The following ZNF334 variants were observed in gnomAD, a reference collection of about 807,000 sequenced individuals.
ZNF334 encodes the protein zinc finger protein 334.
Under a neutral mutation model 12.4 loss-of-function variants are expected in ZNF334, and 14 were observed. The observed-to-expected ratio is 1.13, with a 90% CI of 0.74 to 1.76. The LOEUF (loss-of-function observed/expected upper bound fraction) is 1.76. Among genes scored for constraint, ZNF334 ranks in the 40% most tolerant of loss-of-function variants. The pLI is 0.00. For missense variants in ZNF334, 797 were observed against 804.5 expected (o/e 0.99, Z 0.11); for synonymous variants, 273 against 269.6 (o/e 1.01, Z -0.12).
intron 2 of ZNF334, among the ~76,000 whole-genome samples, chr20:46,507,540 C>T (rs1322928131): frequency 6.6e-6 from 1 of 152,162 alleles, no homozygotes; most frequent in Non-Finnish European, 1.5e-5. Context: ...TCAGGGGAAG[C>T]GAGGTGAAGG....
chr20:46,493,081 C>G, the ZNF334 span, among the ~76,000 whole-genome samples: 7 of 106,408 alleles, frequency 6.6e-5, no homozygotes, highest in Admixed American at 1.1e-4. Flanking sequence ...GGGTGAGACT[C>G]TGTCTTTAGA....
In ZNF334 at chr20:46,504,235, A is replaced by G. The variant is rs1432768164; in HGVS notation, c.220T>C (p.Phe74Leu). The part of the protein sequence containing the change: ...QGEEPWIVEE[F>L]SNQNYPDIDD... ...TTACCTGGGTAGTTCTGATTTGAGA[A>G]TTCCTCCACTATCCATGGCTCTTCT... The change falls in exon 4 of 5, where the codon TTC becomes CTC. Residue 74 changes from phenylalanine (F) to leucine (L), a missense_variant. By Grantham distance (22) the Phe-to-Leu change is conservative. Coordinates refer to ENST00000692313, the MANE Select transcript of ZNF334 (RefSeq NM_001353824.2). 2.5e-6 allele frequency: 4 copies of G among 1,612,564 alleles called. No individual in the cohort carries two copies. Among genetic ancestry groups the G allele is most frequent in the Non-Finnish European group, 3.4e-6 (4 of 1,179,314 alleles).
the ZNF334 span, among the ~76,000 whole-genome samples, chr20:46,493,914 A>C: frequency 4.6e-5 from 7 of 152,210 alleles, no homozygotes; most frequent in Admixed American, 6.5e-5. Flanking sequence ...TGGGTGACAG[A>C]GCGAGACTGT....
chr20:46,468,315 G>T, the ZNF334 span, among the ~76,000 whole-genome samples: 1 of 150,272 alleles, frequency 6.7e-6, no homozygotes, highest in African/African-American at 2.5e-5. Context: ...TCGCTCTGTC[G>T]CCCAGGCTGG....
the ZNF334 span, among the ~76,000 whole-genome samples, chr20:46,488,419 T>TTTTATATATATA: frequency 4.9e-5 from 5 of 102,242 alleles, no homozygotes; most frequent in African/African-American, 1.7e-4. Context: ...AGCTCTTATT[T>TTTTATATATATA]TATATATATA....
At chr20:46,472,810 G>A in the ZNF334 span, among the ~76,000 whole-genome samples, 6 of 152,340 alleles carry the variant, frequency 3.9e-5, no homozygotes, top group South Asian at 2.1e-4. Context: ...CTGCACGGGG[G>A]CAAGGGTAGA....
At chr20:46,506,363 C>T (rs1206521999) in intron 2 of ZNF334, 5 of 607,844 alleles carry the variant, frequency 8.2e-6, no homozygotes, top group South Asian at 3.9e-5. Flanking sequence ...TGGTGGCGCA[C>T]ACCTATAATC....
At chr20:46,507,072 C>CCACTGCG (rs1460729872) in intron 2 of ZNF334, among the ~76,000 whole-genome samples, 1 of 151,596 alleles carries the variant, frequency 6.6e-6, no homozygotes, top group African/African-American at 2.4e-5. Flanking sequence ...TATGATTGCA[C>CCACTGCG]CACTGCACTC....
intron 4 of ZNF334, among the ~76,000 whole-genome samples, chr20:46,503,822 A>G (rs1366173324): frequency 6.6e-6 from 1 of 152,196 alleles, no homozygotes; most frequent in African/African-American, 2.4e-5. Flanking sequence ...TATTTCTGTT[A>G]AGTGACGTAG....
chr20:46,465,576 T>C, the ZNF334 span, among the ~76,000 whole-genome samples: 45 of 151,912 alleles, frequency 3.0e-4, no homozygotes, highest in Admixed American at 1.4e-3. Context: ...CTAGAAAAAA[T>C]TAGCTGGGCA....
At chr20:46,464,296 G>C in the ZNF334 span, 10 of 554,138 alleles carry the variant, frequency 1.8e-5, no homozygotes, top group Admixed American at 1.9e-4. Context: ...GGTACTCACT[G>C]GGAATGACAA....
At chr20:46,499,382 C>T (rs376113692), downstream of ZNF334, among the ~76,000 whole-genome samples, 6 of 151,946 alleles carry the variant, frequency 3.9e-5, no homozygotes, top group South Asian at 2.1e-4. Context: ...TACTGTGTTA[C>T]GGCAGCCCTA....
the ZNF334 span, chr20:46,463,717 C>A: frequency 4.4e-6 from 1 of 227,346 alleles, no homozygotes; most frequent in Non-Finnish European, 9.1e-6. Flanking sequence ...GAGAAAATAA[C>A]ACACTCCTTG....
intron 4 of ZNF334, among the ~76,000 whole-genome samples, chr20:46,503,794 T>C (rs970504915): frequency 2.0e-5 from 3 of 152,086 alleles, no homozygotes; most frequent in South Asian, 4.1e-4. Flanking sequence ...AAGCGTAGAA[T>C]GGAAAGGGAA....
the ZNF334 span, among the ~76,000 whole-genome samples, chr20:46,468,443 T>C: frequency 6.8e-6 from 1 of 146,560 alleles, no homozygotes. Context: ...ACTGGCTAAT[T>C]TTTTTTTTTT....
At chr20:46,470,750 G>T in the ZNF334 span, among the ~76,000 whole-genome samples, 13 of 152,102 alleles carry the variant, frequency 8.5e-5, no homozygotes, top group Non-Finnish European at 1.5e-4. Flanking sequence ...AAGTTCCCTT[G>T]TGTCTATGTT....
At chr20:46,492,696 G>A in the ZNF334 span, 6 of 152,356 alleles carry the variant, frequency 3.9e-5, no homozygotes, top group East Asian at 3.8e-4. Context: ...TGCTAAACTC[G>A]AGATCAATGT....
intron 2 of ZNF334, chr20:46,509,490 G>T (rs552702359): frequency 2.9e-6 from 2 of 684,498 alleles, no homozygotes; most frequent in Non-Finnish European, 5.4e-6. Context: ...CTCAGCAGGA[G>T]CATGGGGTCA....
At chr20:46,495,732 C>G (rs1349396599), downstream of ZNF334, among the ~76,000 whole-genome samples, 1 of 152,282 alleles carries the variant, frequency 6.6e-6, no homozygotes, top group African/African-American at 2.4e-5. Context: ...ATGGGATGCA[C>G]GTGTGTTTCC....
Sources: allele counts gnomAD v4.1 joint callset (sites outside exome capture counted in the v4.1 genomes callset), GRCh38; gene constraint gnomAD v4.1.1; transcripts MANE v1.5; gene names NCBI Gene and HGNC (gene_info 2026-07-23, HGNC 2026-07-21).